The following GPAM variants were observed in gnomAD, a reference collection of about 807,000 sequenced individuals.
The protein encoded by GPAM is glycerol-3-phosphate acyltransferase, mitochondrial.
GPAM carries 56 observed loss-of-function variants against 105.0 expected under a neutral mutation model. The observed-to-expected ratio is 0.53, with a 90% CI of 0.43 to 0.67. GPAM has a LOEUF of 0.67. Ranked by LOEUF, GPAM falls within the 30% of genes least tolerant of loss-of-function variation. The pLI is 0.00. For missense variants in GPAM, 855 were observed against 989.8 expected (o/e 0.86, Z 1.83); for synonymous variants, 368 against 354.4 (o/e 1.04, Z -0.43).
intron 5 of GPAM, among the ~76,000 whole-genome samples, 153 bp downstream of exon 5, chr10:112,177,831 T>G (rs1847434547): frequency 6.6e-6 from 1 of 152,220 alleles, no homozygotes; most frequent in Non-Finnish European, 1.5e-5. Context: ...GTGGCTATAC[T>G]GCTTCCAATT....
chr10:112,199,088 A>AGT (rs1564689388), intron 1 of GPAM, among the ~76,000 whole-genome samples: 1 of 88,948 alleles, frequency 1.1e-5, no homozygotes, highest in Non-Finnish European at 2.3e-5. Context: ...ACGCCTGGCT[A>AGT]ATGTGTGTGT....
At chr10:112,210,004 G>C (rs989954412) in intron 1 of GPAM, among the ~76,000 whole-genome samples, 1 of 152,188 alleles carries the variant, frequency 6.6e-6, no homozygotes, top group African/African-American at 2.4e-5. Flanking sequence ...CTGTCTGCCT[G>C]TGCCTGGAGA....
chr10:112,220,706 G>A, the GPAM span, among the ~76,000 whole-genome samples: 1,822 of 152,108 alleles, frequency 0.012, 45 homozygotes, highest in African/African-American at 0.041. Flanking sequence ...TTTTCTCTGG[G>A]ATGGTTCTTT....
Position 112,151,503 on chromosome 10 carries a change from A to C in GPAM, c.*2047T>G, listed in dbSNP as rs554228197. On this transcript the variant is annotated 3_prime_UTR_variant, in exon 22 of 22. Coordinates refer to ENST00000348367, the MANE Select transcript of GPAM (RefSeq NM_001244949.2). ...GCATATTTATCCTCACAGTGAGTTA[A>C]GTGGTGAGAGAGCTAGCAAATCATA... is the stretch of plus-strand genomic sequence containing the variant. The C allele has an allele frequency of 3.2e-5, 32 of 985,816 alleles. No individual in the cohort carries two copies. Among genetic ancestry groups the C allele is most frequent in the South Asian group, 4.7e-5 (1 of 21,290 alleles). 61.1% of individuals were successfully genotyped at this position (985,816 alleles called of 1,614,324 possible). A position where few individuals can be genotyped will look rare whatever the true frequency, so the allele number is the denominator to read the frequency against.
Position 112,166,556 on chromosome 10 carries a change from C to A in GPAM, c.1108-41G>T, listed in dbSNP as rs576704773. ...GAGAATAACATGGTGAGAAATAAAG[C>A]CAACACATACACAAACATTCTATTA... On this transcript the variant is annotated intron_variant, in intron 11 of 21. Transcript: ENST00000348367. 1.5e-4 allele frequency: 152 copies of A among 1,025,124 alleles called. No individual in the cohort carries two copies. In the South Asian group the frequency reaches 1.8e-3, roughly 12 times the overall value. 63.5% of individuals were successfully genotyped at this position (1,025,124 alleles called of 1,614,324 possible). A position where few individuals can be genotyped will look rare whatever the true frequency, so the allele number is the denominator to read the frequency against.
chr10:112,210,245 C>G (rs975561458), intron 1 of GPAM, among the ~76,000 whole-genome samples: 10 of 152,166 alleles, frequency 6.6e-5, no homozygotes, highest in African/African-American at 1.9e-4. Context: ...GTACAACTTC[C>G]TATTCAACCT....
In GPAM at chr10:112,180,585, C is replaced by A; in HGVS notation, c.113G>T (p.Gly38Val). The stretch of plus-strand genomic sequence containing the variant: ...AGATCTGAAGATGGTGGGTCTAAAG[C>A]CACACTCACCCTGACAAATATTAAG... ...KHTSEEWGEC[G>V]FRPTIFRSAT... Residue 38 changes from glycine to valine, a missense_variant, in exon 4 of 22, where the codon GGC becomes GTC. By Grantham distance (109) the Gly-to-Val change is moderately radical (BLOSUM62 -3). Coordinates refer to ENST00000348367, the MANE Select transcript of GPAM (RefSeq NM_001244949.2). 6.2e-7 allele frequency: 1 copy of A among 1,609,018 alleles called. No individual in the cohort carries two copies. The highest frequency in any genetic ancestry group is 8.5e-7 in the Non-Finnish European group (1 of 1,175,516).
At chr10:112,217,081 T>C (rs1006022384), upstream of GPAM, among the ~76,000 whole-genome samples, 2 of 152,220 alleles carry the variant, frequency 1.3e-5, no homozygotes, top group Admixed American at 6.5e-5. Context: ...CATAGAGTTG[T>C]GCAGCCATGA....
rs143747644 is a variant in GPAM at position 112,173,111 on chromosome 10, G to A, written c.561-45C>T. 4.9e-5 allele frequency: 53 copies of A among 1,092,700 alleles called. No homozygotes were observed. The East Asian group carries it at 8.5e-4, about 18-fold the overall frequency. 67.7% of individuals were successfully genotyped at this position (1,092,700 alleles called of 1,614,324 possible). On this transcript the variant is annotated intron_variant, in intron 7 of 21. Coordinates refer to ENST00000348367, the MANE Select transcript of GPAM (RefSeq NM_001244949.2). ...AAAAAAACAACATAAATGAACACAC[G>A]TTATTTTTACATACAAGCACATACA...
In GPAM at chr10:112,163,766, C is replaced by G. The variant is rs752832240; in HGVS notation, c.1358G>C (p.Arg453Thr). 1 of 1,608,080 alleles carries G rather than the reference C, an allele frequency of 6.2e-7. No individual in the cohort carries two copies. Among genetic ancestry groups the G allele is most frequent in the Non-Finnish European group, 8.5e-7 (1 of 1,174,514 alleles). Residue 453 changes from arginine to threonine, a missense_variant, in exon 14 of 22, where the codon AGA becomes ACA. Coordinates refer to ENST00000348367, the MANE Select transcript of GPAM (RefSeq NM_001244949.2). ...TCGTAGGGATTCATCTGTTGCATTT[C>G]TGGACTCATTAATGGACGTGTCTCT... ...EGRDTSINES[R>T]NATDESLRRR...
In GPAM at chr10:112,159,911, C is replaced by T; in HGVS notation, c.1902G>A (p.Leu634=). 6.2e-7 allele frequency: 1 copy of T among 1,613,656 alleles called. No homozygotes were observed. The highest frequency in any genetic ancestry group is 8.5e-7 in the Non-Finnish European group (1 of 1,179,700). The change falls in exon 17 of 22, where the codon CTG becomes CTA. Residue 634 remains leucine, a splice_region_variant and synonymous_variant. Coordinates refer to ENST00000348367, the MANE Select transcript of GPAM (RefSeq NM_001244949.2). The part of the protein sequence containing the change: ...YLLSNEGTIS[L]PCQTFYQVCH... The stretch of plus-strand genomic sequence containing the variant: ...GCAACACTGAAGGGTCTTCACTCAC[C>T]AGTGAGATGGTGCCTTCATTGGAGA...
At chr10:112,196,025 C>T (rs1318844384) in intron 1 of GPAM, among the ~76,000 whole-genome samples, 2 of 152,152 alleles carry the variant, frequency 1.3e-5, no homozygotes, top group African/African-American at 4.8e-5. Context: ...GGGCCCTGAT[C>T]TCCAGTGTAG....
In GPAM at chr10:112,178,047, A is replaced by C; in HGVS notation, c.236T>G (p.Phe79Cys). ...SCTPQSWDKF[F>C]NPSIPSLGLR... ...ACCCAAAGACGGGATACTGGGGTTGAAAAATTTGTCCTATATAAAACAAAG... is the reference window on the plus strand; with the variant it reads ...ACCCAAAGACGGGATACTGGGGTTGCAAAATTTGTCCTATATAAAACAAAG... The change falls in exon 5 of 22, where the codon TTC (phenylalanine) becomes TGC (cysteine). Residue 79 changes from phenylalanine to cysteine, a missense_variant. By Grantham distance (205) the Phe-to-Cys change is radical. Coordinates refer to ENST00000348367, the MANE Select transcript of GPAM (RefSeq NM_001244949.2). 2 of 1,582,704 alleles carry C rather than the reference A, an allele frequency of 1.3e-6. No homozygotes were observed. The highest frequency in any genetic ancestry group is 1.7e-6 in the Non-Finnish European group (2 of 1,151,676).
At chr10:112,160,110 C>T (rs1847096325) in intron 16 of GPAM, 57 bp from the exon 17 acceptor site, 1 of 1,540,404 alleles carries the variant, frequency 6.5e-7, no homozygotes, top group African/African-American at 1.4e-5. Context: ...AGAAAAACTT[C>T]AACTGGCTTG....
Position 112,164,635 on chromosome 10 carries a change from C to A in GPAM, c.1222-25G>T. 2.5e-6 allele frequency: 3 copies of A among 1,197,380 alleles called. No individual in the cohort carries two copies. The South Asian group carries it at 3.6e-5, about 14-fold the overall frequency. 74.2% of individuals were successfully genotyped at this position (1,197,380 alleles called of 1,614,324 possible). ...CCTGGAGAAAAAAACACAACATGAT[C>A]ATTTACCCTCACTTTCGCACCAACA... On this transcript the variant is annotated intron_variant, in intron 12 of 21. Transcript: ENST00000348367.
At chr10:112,188,206 AT>A (rs1158658239), upstream of GPAM, among the ~76,000 whole-genome samples, 4 of 152,184 alleles carry the variant, frequency 2.6e-5, no homozygotes, top group Non-Finnish European at 5.9e-5. Context: ...AAGCAGAAAA[AT>A]TTTTAAGTAG....
rs77150189 is a variant in GPAM at position 112,153,205 on chromosome 10, A to T, written c.*345T>A. 3.1e-5 allele frequency: 35 copies of T among 1,134,852 alleles called. No homozygotes were observed. The highest frequency in any genetic ancestry group is 3.8e-5 in the Non-Finnish European group (35 of 915,620). The allele number at this position is 1,134,852 out of a possible 1,614,324, so 70.3% of individuals were successfully genotyped here. A position where few individuals can be genotyped will look rare whatever the true frequency, so the allele number is the denominator to read the frequency against. ...AGATTCAGTTCCAGAACACAGCTAC[A>T]TTTCTGTGTCCATCACAGTAATTAG... On this transcript the variant is annotated 3_prime_UTR_variant, in exon 22 of 22. Transcript: ENST00000348367.
chr10:112,209,852 C>A (rs1847891775), intron 1 of GPAM, among the ~76,000 whole-genome samples: 1 of 152,188 alleles, frequency 6.6e-6, no homozygotes, highest in Non-Finnish European at 1.5e-5. Flanking sequence ...GTTTTTATGG[C>A]CAATCTGATT....
chr10:112,175,778 AC>A (rs1847392913), intron 5 of GPAM, 65 bp from the exon 6 acceptor site: 2 of 1,003,984 alleles, frequency 2.0e-6, no homozygotes, highest in African/African-American at 3.1e-5. Flanking sequence ...TAAATCATAA[AC>A]TAATTTTCCG....
Sources: allele counts gnomAD v4.1 joint callset (sites outside exome capture counted in the v4.1 genomes callset), GRCh38; gene constraint gnomAD v4.1.1; transcripts MANE v1.5; gene names NCBI Gene and HGNC (gene_info 2026-07-23, HGNC 2026-07-21).